Variants in USP3 observed in about 807,000 individuals in gnomAD.
The protein encoded by USP3 is ubiquitin carboxyl-terminal hydrolase 3.
USP3 carries 20 observed loss-of-function variants against 72.3 expected under a neutral mutation model. The observed-to-expected ratio is 0.28, with a 90% confidence interval of 0.19 to 0.40. USP3 has a LOEUF of 0.40. USP3 is among the 10% of genes least tolerant of loss of function. The pLI, the probability that USP3 is intolerant of heterozygous loss-of-function variation, is 1.00. For missense variants in USP3, 479 were observed against 633.9 expected, an observed-to-expected ratio of 0.76 and a Z score of 2.62; for synonymous variants, 222 against 225.3, an observed-to-expected ratio of 0.99 and a Z score of 0.13.
chr15:63,508,350 G>A (rs1245934367), intron 1 of USP3, among the ~76,000 whole-genome samples: 1 of 152,172 alleles, frequency 6.6e-6, no homozygotes, highest in African/African-American at 2.4e-5. Context: ...TTTTTGAAAT[G>A]TATTAGCTGG....
Position 63,529,963 on chromosome 15 carries a change from C to T in USP3, c.92-2684C>T, listed in dbSNP as rs181329638. ...TCTAGGCAACATAGTGAGACCCTGT[C>T]TCTACCAAAAAGAAAAACAGAAAAT... is the stretch of plus-strand genomic sequence containing the variant. On this transcript the variant is annotated intron_variant, in intron 1 of 14. Coordinates refer to ENST00000380324, the MANE Select transcript of USP3 (RefSeq NM_006537.4). This position sits in a 1 kb window ranked among gnomAD's most constrained non-coding sequence, Gnocchi z 4.2. Among the ~76,000 whole-genome samples the T allele has an allele frequency of 3.1e-3, 471 of 152,230 alleles. 1 individual carries two copies. Among genetic ancestry groups the T allele is most frequent in the Middle Eastern group, 6.8e-3 (2 of 294 alleles).
intron 3 of USP3, among the ~76,000 whole-genome samples, chr15:63,539,207 CT>C (rs1454363510): frequency 6.6e-6 from 1 of 150,792 alleles, no homozygotes; most frequent in African/African-American, 2.4e-5. Context: ...GTTTGTATTT[CT>C]GCTTTAGACA....
At chr15:63,581,345 T>TTGTGTGTGTGTGTG (rs59188081) in intron 11 of USP3, among the ~76,000 whole-genome samples, 4 of 130,076 alleles carry the variant, frequency 3.1e-5, no homozygotes, top group South Asian at 2.7e-4. Flanking sequence ...GTGTTGGTTT[T>TTGTGTGTGTGTGTG]TGTGTGTGTG....
intron 3 of USP3, among the ~76,000 whole-genome samples, chr15:63,542,526 GA>G (rs2066259602): frequency 1.3e-5 from 2 of 151,816 alleles, no homozygotes; most frequent in South Asian, 4.1e-4. Flanking sequence ...CTATCAAAAA[GA>G]AAAATTATAT....
intron 1 of USP3, among the ~76,000 whole-genome samples, chr15:63,512,628 A>G (rs2065806101): frequency 6.6e-6 from 1 of 151,866 alleles, no homozygotes; most frequent in South Asian, 2.1e-4. Context: ...TGTTTTTAGT[A>G]GAGACGGGGT....
intron 1 of USP3, among the ~76,000 whole-genome samples, chr15:63,520,634 G>C (rs2065908791): frequency 7.2e-6 from 1 of 138,784 alleles, no homozygotes; most frequent in Non-Finnish European, 1.5e-5. Flanking sequence ...TGCAATCTCG[G>C]CTCACTGCAG....
Position 63,553,128 on chromosome 15 carries a change from C to T in USP3, c.285-587C>T, listed in dbSNP as rs1318232071. 6.6e-6 allele frequency among the ~76,000 whole-genome samples: 1 copy of T among 152,152 alleles called. No individual in the cohort carries two copies. Among genetic ancestry groups the T allele is most frequent in the East Asian group, 1.9e-4 (1 of 5,200 alleles). Reference sequence around the variant, plus strand: ...CTTATCAGTTGCCTGAATGATATAGCCACTATTTTATACTTTTGTTTTGTA... The same window carrying T: ...CTTATCAGTTGCCTGAATGATATAGTCACTATTTTATACTTTTGTTTTGTA... On this transcript the variant is annotated intron_variant, in intron 3 of 14. Transcript: ENST00000380324. This position sits in a 1 kb window ranked among gnomAD's most constrained non-coding sequence, Gnocchi z 4.2.
rs1270491095 is a variant in USP3, at chr15:63,534,486, A to AT, written c.152+1784dup. Reference sequence around the variant, plus strand: ...AGAAATTTGTGACATATGTAGTGAAATTTTTCCTCTTGTGCTGTAGACCAA... The same window carrying AT: ...AGAAATTTGTGACATATGTAGTGAAATTTTTTCCTCTTGTGCTGTAGACCAA... On this transcript the variant is annotated intron_variant, in intron 2 of 14. Coordinates refer to ENST00000380324, the MANE Select transcript of USP3 (RefSeq NM_006537.4). Among the ~76,000 whole-genome samples the AT allele has an allele frequency of 1.2e-4, 19 of 152,230 alleles. 1 individual carries two copies. Among genetic ancestry groups the AT allele is most frequent in the African/African-American group, 4.6e-4 (19 of 41,552 alleles).
intron 1 of USP3, among the ~76,000 whole-genome samples, chr15:63,523,299 G>A (rs899671195): frequency 2.0e-5 from 3 of 152,152 alleles, no homozygotes; most frequent in Non-Finnish European, 4.4e-5. Context: ...GCCATGTGAG[G>A]TAGAAGGTGG....
Position 63,588,123 on chromosome 15 carries a change from C to T in USP3, c.1097-182C>T. 1 of 494,078 alleles carries T rather than the reference C, an allele frequency of 2.0e-6. No homozygotes were observed. Among genetic ancestry groups the T allele is most frequent in the African/African-American group, 2.0e-5 (1 of 50,768 alleles). 30.6% of individuals were successfully genotyped at this position (494,078 alleles called of 1,614,324 possible). ...GGTGCTCTACACATTATTTCTCTTC[C>T]TTATAATAGTTCTTCAAAGTAGGTA... is the stretch of plus-strand genomic sequence containing the variant. On this transcript the variant is annotated intron_variant, in intron 11 of 14. Coordinates refer to ENST00000380324, the MANE Select transcript of USP3 (RefSeq NM_006537.4). The surrounding 1 kb of genome is among the most constrained non-coding windows in gnomAD (Gnocchi z 4.6).
Position 63,553,751 on chromosome 15 carries a change from G to A in USP3, c.321G>A (p.Lys107=), listed in dbSNP as rs2066467712. 2 of 1,613,196 alleles carry A rather than the reference G, an allele frequency of 1.2e-6. No homozygotes were observed. Among genetic ancestry groups the A allele is most frequent in the Non-Finnish European group, 1.7e-6 (2 of 1,179,490 alleles). Residue 107 remains lysine, a synonymous_variant, in exon 4 of 15, where the codon AAG becomes AAA. Transcript: ENST00000380324. The surrounding 1 kb of genome is among the most constrained non-coding windows in gnomAD (Gnocchi z 4.2). The part of the protein sequence containing the change: ...RCDDFVVNDT[K]LGLVQKVREH... ...ATGATTTTGTGGTTAATGACACCAA[G>A]CTGGGACTGGTACAGAAAGTCAGAG...
chr15:63,554,305 A>C (rs1383200852), intron 4 of USP3, among the ~76,000 whole-genome samples: 2 of 152,348 alleles, frequency 1.3e-5, no homozygotes, highest in Middle Eastern at 6.8e-3. Flanking sequence ...GGGGCAGTTA[A>C]ATATCAGTTG....
chr15:63,547,866 TAG>T (rs112905081), intron 3 of USP3, among the ~76,000 whole-genome samples: 2,307 of 20,824 alleles, frequency 0.11, 165 homozygotes, highest in Middle Eastern at 0.3. Flanking sequence ...GAGAGAGGCA[TAG>T]AGAGAGAGAG....
intron 8 of USP3, among the ~76,000 whole-genome samples, chr15:63,568,941 G>A (rs907808308): frequency 6.6e-5 from 10 of 152,122 alleles, no homozygotes; most frequent in African/African-American, 1.9e-4. Context: ...AGAAAATCAC[G>A]GTATGGTTGG....
intron 1 of USP3, among the ~76,000 whole-genome samples, chr15:63,526,046 T>TCTTTAAATTTAAAACA (rs1203699639): frequency 6.6e-6 from 1 of 152,190 alleles, no homozygotes; most frequent in African/African-American, 2.4e-5. Context: ...AATACCAGTA[T>TCTTTAAATTTAAAACA]CTTTAAATTT....
At chr15:63,580,355 T>A (rs2066932541) in intron 11 of USP3, among the ~76,000 whole-genome samples, 1 of 152,072 alleles carries the variant, frequency 6.6e-6, no homozygotes, top group South Asian at 2.1e-4. Flanking sequence ...AACTATGAAT[T>A]ATTTTTTTCA....
chr15:63,575,416 C>G (rs2066847502), intron 11 of USP3, among the ~76,000 whole-genome samples: 1 of 152,004 alleles, frequency 6.6e-6, no homozygotes, highest in African/African-American at 2.4e-5. Flanking sequence ...TACTGGCATT[C>G]TATGTAATGT....
chr15:63,580,651 TG>T lies in USP3; in HGVS notation c.1096+6249del, dbSNP rs1224838736. 8.0e-5 allele frequency among the ~76,000 whole-genome samples: 10 copies of T among 124,268 alleles called. 1 individual carries two copies. Among genetic ancestry groups the T allele is most frequent in the African/African-American group, 2.3e-4 (7 of 30,170 alleles). The allele number at this position is 124,268 out of a possible 152,430, so 81.5% of individuals were successfully genotyped here. A position where few individuals can be genotyped will look rare whatever the true frequency, so the allele number is the denominator to read the frequency against. ...TTTCAGAAAGTGGTGCATATATATA[TG>T]AATATATAATATATATATGAATATA... On this transcript the variant is annotated intron_variant, in intron 11 of 14. Coordinates refer to ENST00000380324, the MANE Select transcript of USP3 (RefSeq NM_006537.4).
rs1004862980 is a variant in USP3 at position 63,574,988 on chromosome 15, G to A, written c.1096+585G>A. Among the ~76,000 whole-genome samples, 1 of 152,084 alleles carries A rather than the reference G, an allele frequency of 6.6e-6. No individual in the cohort carries two copies. Among genetic ancestry groups the A allele is most frequent in the Non-Finnish European group, 1.5e-5 (1 of 67,992 alleles). ...TGTACAGACAGGTCACAATTAAAAT[G>A]ACTAATTGTTCTTGCTAGTTATATA... On this transcript the variant is annotated intron_variant, in intron 11 of 14. Coordinates refer to ENST00000380324, the MANE Select transcript of USP3 (RefSeq NM_006537.4). The surrounding 1 kb of genome is among the most constrained non-coding windows in gnomAD (Gnocchi z 4.6).
Sources: allele counts gnomAD v4.1 joint callset (sites outside exome capture counted in the v4.1 genomes callset), GRCh38; gene constraint gnomAD v4.1.1; non-coding constraint Gnocchi (gnomAD v3.1); transcripts MANE v1.5; gene names NCBI Gene and HGNC (gene_info 2026-07-23, HGNC 2026-07-21).